The following FAM184A variants were observed in gnomAD, a reference collection of about 807,000 sequenced individuals.
FAM184A encodes protein FAM184A.
Under a neutral mutation model 143.8 loss-of-function variants are expected in FAM184A, and 99 were observed. That is an observed-to-expected ratio of 0.69 (90% CI 0.58 to 0.81). The LOEUF is 0.81. Among genes scored for constraint, FAM184A ranks in the 40% least tolerant of loss-of-function variants. The pLI is 0.00. For missense variants in FAM184A, 1,217 were observed against 1,310.5 expected (o/e 0.93, Z 1.10); for synonymous variants, 427 against 446.4 (o/e 0.96, Z 0.55).
At chr6:119,136,226 C>T (rs1323716897) in intron 1 of FAM184A, among the ~76,000 whole-genome samples, 137 of 134,408 alleles carry the variant, frequency 1.0e-3, no homozygotes, top group African/African-American at 3.7e-3. Context: ...TGCAGTGAGC[C>T]GAGATTGCGC....
In FAM184A at chr6:119,078,112, G is replaced by T; in HGVS notation, c.159+29C>A. 6.4e-7 allele frequency: 1 copy of T among 1,558,648 alleles called. No individual in the cohort carries two copies. On this transcript the variant is annotated intron_variant, in intron 1 of 17. Transcript: ENST00000338891. The surrounding 1 kb of genome is among the most constrained non-coding windows in gnomAD (Gnocchi z 5.5). ...AGTCCGGCGCGGCCCGCACGGGGTCGCCACCTGCCCCGTCGCTGCCCCCCT... is the reference window on the plus strand; with the variant it reads ...AGTCCGGCGCGGCCCGCACGGGGTCTCCACCTGCCCCGTCGCTGCCCCCCT...
intron 1 of FAM184A, among the ~76,000 whole-genome samples, chr6:119,047,091 C>G (rs1296228502): frequency 6.6e-6 from 1 of 152,008 alleles, no homozygotes; most frequent in Admixed American, 6.5e-5. Flanking sequence ...CATTTCTCAA[C>G]AGAAGACATA....
intron 1 of FAM184A, among the ~76,000 whole-genome samples, chr6:119,123,279 C>T (rs1789275360): frequency 6.6e-6 from 1 of 151,998 alleles, no homozygotes; most frequent in African/African-American, 2.4e-5. Flanking sequence ...ATCCTATCTA[C>T]TAGGGAGCCT....
At chr6:118,979,252 T>C (rs1783945115) in intron 11 of FAM184A, 113 bp downstream of exon 11, 1 of 990,756 alleles carries the variant, frequency 1.0e-6, no homozygotes. Context: ...CACTTAGATA[T>C]TCATTTTGAC....
upstream of FAM184A, among the ~76,000 whole-genome samples, chr6:119,082,650 T>C (rs1306210678): frequency 6.6e-6 from 1 of 152,252 alleles, no homozygotes; most frequent in African/African-American, 2.4e-5. Context: ...TTTGACTCCA[T>C]GTCTCACATC....
chr6:119,034,053 G>T (rs199663083), intron 1 of FAM184A, among the ~76,000 whole-genome samples: 3,484 of 95,254 alleles, frequency 0.037, 67 homozygotes, highest in Non-Finnish European at 0.059. Context: ...GAGAGAGAGA[G>T]AGAGAGAGAG....
At chr6:118,998,957 A>T (rs118084293) in intron 9 of FAM184A, among the ~76,000 whole-genome samples, 2 of 152,362 alleles carry the variant, frequency 1.3e-5, no homozygotes, top group East Asian at 3.8e-4. Context: ...GTTAGAAAAT[A>T]ATCTGTAGGT....
chr6:119,101,735 C>T (rs1442721527), intron 1 of FAM184A, among the ~76,000 whole-genome samples: 2 of 152,008 alleles, frequency 1.3e-5, no homozygotes, highest in African/African-American at 2.4e-5. Context: ...AGGAGACAAC[C>T]ACCATAAAGA....
intron 1 of FAM184A, among the ~76,000 whole-genome samples, chr6:119,091,280 TG>T (rs1788357866): frequency 6.6e-6 from 1 of 152,192 alleles, no homozygotes; most frequent in South Asian, 2.1e-4. Context: ...AGTGGGTCGC[TG>T]GGTATGACGG....
intron 1 of FAM184A, among the ~76,000 whole-genome samples, chr6:119,034,983 G>A (rs143427771): frequency 2.9e-4 from 44 of 152,192 alleles, no homozygotes; most frequent in African/African-American, 1.0e-3. Flanking sequence ...AGGAGGGCTC[G>A]CCTGAGTAAT....
chr6:119,051,638 A>G (rs1334188748), intron 1 of FAM184A, among the ~76,000 whole-genome samples: 1 of 152,206 alleles, frequency 6.6e-6, no homozygotes, highest in Middle Eastern at 3.2e-3. Flanking sequence ...CCATAAATAT[A>G]TACGAGTACT....
At chr6:119,060,782 C>A (rs1456825730) in intron 1 of FAM184A, among the ~76,000 whole-genome samples, 1 of 152,118 alleles carries the variant, frequency 6.6e-6, no homozygotes, top group East Asian at 1.9e-4. Context: ...TAGCACCTCC[C>A]CCTTCTCTTT....
chr6:119,144,850 C>G (rs545462035), intron 1 of FAM184A, among the ~76,000 whole-genome samples: 1 of 152,306 alleles, frequency 6.6e-6, no homozygotes, highest in East Asian at 1.9e-4. Context: ...TTTGTTTGCA[C>G]CCCTGCTTGT....
chr6:119,043,895 T>A (rs756002064), intron 1 of FAM184A, among the ~76,000 whole-genome samples: 3 of 152,092 alleles, frequency 2.0e-5, no homozygotes, highest in Non-Finnish European at 2.9e-5. Context: ...AGTTATAAAC[T>A]ACACTGAAAA....
At chr6:119,019,017 G>T (rs1334262613) in intron 4 of FAM184A, among the ~76,000 whole-genome samples, 2 of 152,090 alleles carry the variant, frequency 1.3e-5, no homozygotes, top group Non-Finnish European at 2.9e-5. Flanking sequence ...TAGTGGAAAG[G>T]ATAAAAGACT....
chr6:119,014,955 A>G (rs1418937092), intron 5 of FAM184A, among the ~76,000 whole-genome samples: 1 of 151,966 alleles, frequency 6.6e-6, no homozygotes, highest in Non-Finnish European at 1.5e-5. Flanking sequence ...GCTACTCAGG[A>G]GGCTGAGGCA....
chr6:119,044,289 T>C (rs1276151970), intron 1 of FAM184A, among the ~76,000 whole-genome samples: 1 of 152,198 alleles, frequency 6.6e-6, no homozygotes, highest in Non-Finnish European at 1.5e-5. Context: ...AACAAAAAAC[T>C]ATTCGAGCTA....
intron 1 of FAM184A, among the ~76,000 whole-genome samples, chr6:119,136,455 A>G (rs1410732638): frequency 3.9e-5 from 6 of 152,226 alleles, no homozygotes. Context: ...ATTTATTGGC[A>G]TTAAAAAAAT....
At chr6:119,025,329 A>T in intron 1 of FAM184A, 1 of 400,454 alleles carries the variant, frequency 2.5e-6, no homozygotes, top group Non-Finnish European at 4.8e-6. Flanking sequence ...AATATTTCAA[A>T]TTTTAAACTT....
Sources: allele counts gnomAD v4.1 joint callset (sites outside exome capture counted in the v4.1 genomes callset), GRCh38; gene constraint gnomAD v4.1.1; non-coding constraint Gnocchi (gnomAD v3.1); transcripts MANE v1.5; gene names NCBI Gene and HGNC (gene_info 2026-07-23, HGNC 2026-07-21).